FER1L6: variants seen among roughly 807,000 people sequenced by gnomAD.
FER1L6 encodes fer-1-like protein 6.
Under a neutral mutation model 219.2 loss-of-function variants are expected in FER1L6, and 177 were observed. The observed-to-expected ratio is 0.81, with a 90% CI of 0.71 to 0.91. The LOEUF is 0.91. FER1L6 is among the 40% of genes least tolerant of loss of function. FER1L6 has a pLI of 0.00. For missense variants in FER1L6, 2,153 were observed against 2,259.9 expected, an observed-to-expected ratio of 0.95 and a Z score of 0.96; for synonymous variants, 768 against 824.3, an observed-to-expected ratio of 0.93 and a Z score of 1.17.
At chr8:124,012,336 C>T (rs562145403) in intron 14 of FER1L6, among the ~76,000 whole-genome samples, 3 of 152,298 alleles carry the variant, frequency 2.0e-5, no homozygotes, top group Admixed American at 2.0e-4. Context: ...CACAGACTGT[C>T]TTGGTTGAGC....
chr8:124,074,087 G>A (rs1255860123), intron 31 of FER1L6, among the ~76,000 whole-genome samples: 1 of 152,176 alleles, frequency 6.6e-6, no homozygotes, highest in Admixed American at 6.5e-5. Flanking sequence ...TTGCTGCAGA[G>A]TTTCTCCATC....
chr8:124,064,279 A>G, intron 25 of FER1L6, 68 bp from the exon 26 acceptor site: 1 of 1,179,164 alleles, frequency 8.5e-7, no homozygotes, highest in South Asian at 1.3e-5. Context: ...GATTCCTAGT[A>G]TTAGGTCCCT....
At chr8:124,002,108 T>C (rs1460399441) in intron 12 of FER1L6, among the ~76,000 whole-genome samples, 1 of 152,220 alleles carries the variant, frequency 6.6e-6, no homozygotes, top group Non-Finnish European at 1.5e-5. Context: ...TGGGCTTTTA[T>C]ATCCCCACAC....
intron 25 of FER1L6, among the ~76,000 whole-genome samples, chr8:124,063,397 A>G (rs1563775112): frequency 6.6e-6 from 1 of 152,214 alleles, no homozygotes; most frequent in Non-Finnish European, 1.5e-5. Flanking sequence ...ATATTATCTT[A>G]TATTCTGCTA....
At chr8:123,874,557 C>T (rs532888262) in intron 1 of FER1L6, among the ~76,000 whole-genome samples, 3 of 152,264 alleles carry the variant, frequency 2.0e-5, no homozygotes, top group Admixed American at 6.5e-5. Context: ...GCTTCAACTC[C>T]GCTACCAATA....
At chr8:124,029,132 G>A (rs764991682) in intron 18 of FER1L6, among the ~76,000 whole-genome samples, 1 of 152,172 alleles carries the variant, frequency 6.6e-6, no homozygotes, top group Non-Finnish European at 1.5e-5. Flanking sequence ...TGGCTGCATA[G>A]TATTCCATGG....
intron 28 of FER1L6, 94 bp downstream of exon 28, chr8:124,067,900 C>T: frequency 1.1e-6 from 1 of 929,662 alleles, no homozygotes; most frequent in Non-Finnish European, 1.7e-6. Flanking sequence ...TATTAGAGCT[C>T]AACTCCCTCC....
intron 13 of FER1L6, among the ~76,000 whole-genome samples, chr8:124,004,389 T>G (rs1194786061): frequency 6.6e-6 from 1 of 152,164 alleles, no homozygotes; most frequent in Non-Finnish European, 1.5e-5. Context: ...TCTTCCCCCA[T>G]TTTGTATGCG....
At chr8:123,910,071 C>T (rs1311473677) in intron 1 of FER1L6, among the ~76,000 whole-genome samples, 1 of 152,212 alleles carries the variant, frequency 6.6e-6, no homozygotes, top group Non-Finnish European at 1.5e-5. Flanking sequence ...CTGTGGCTTA[C>T]AGCCCTTTCC....
intron 1 of FER1L6, among the ~76,000 whole-genome samples, chr8:123,916,429 T>C (rs1813193188): frequency 6.6e-6 from 1 of 152,204 alleles, no homozygotes; most frequent in Non-Finnish European, 1.5e-5. Flanking sequence ...GCCTCCTTCA[T>C]TGCAAATTAT....
At chr8:124,037,530 C>T (rs1474080258) in intron 19 of FER1L6, among the ~76,000 whole-genome samples, 1 of 152,168 alleles carries the variant, frequency 6.6e-6, no homozygotes, top group African/African-American at 2.4e-5. Context: ...AAAGCAATCA[C>T]TTCTCTGGTT....
At chr8:124,061,130 C>G (rs912868468) in intron 24 of FER1L6, among the ~76,000 whole-genome samples, 9 of 152,154 alleles carry the variant, frequency 5.9e-5, no homozygotes, top group African/African-American at 2.2e-4. Context: ...CTAGAAAATA[C>G]TGTAATAAGA....
intron 1 of FER1L6, among the ~76,000 whole-genome samples, chr8:123,911,443 T>A (rs898891486): frequency 2.3e-4 from 35 of 152,194 alleles, no homozygotes; most frequent in African/African-American, 8.4e-4. Flanking sequence ...CTGTTTCAAA[T>A]TCTCCAGTAG....
At chr8:124,081,671 C>T (rs182461134) in intron 32 of FER1L6, among the ~76,000 whole-genome samples, 9 of 147,178 alleles carry the variant, frequency 6.1e-5, no homozygotes, top group East Asian at 4.0e-4. Flanking sequence ...GTAGAGACAA[C>T]GCTTTGGTCT....
intron 19 of FER1L6, among the ~76,000 whole-genome samples, chr8:124,039,405 A>C (rs962643947): frequency 1.3e-5 from 2 of 152,200 alleles, no homozygotes; most frequent in African/African-American, 2.4e-5. Context: ...ACACACCCAC[A>C]CATGCCCACA....
At chr8:124,063,448 C>A (rs1033568293) in intron 25 of FER1L6, among the ~76,000 whole-genome samples, 2 of 152,176 alleles carry the variant, frequency 1.3e-5, no homozygotes, top group African/African-American at 4.8e-5. Context: ...CTTTAATCAT[C>A]TGCATTTATA....
At chr8:124,044,162 C>A (rs1463226851) in intron 20 of FER1L6, among the ~76,000 whole-genome samples, 4 of 152,194 alleles carry the variant, frequency 2.6e-5, no homozygotes, top group African/African-American at 9.6e-5. Context: ...CAAGTGCATG[C>A]TACAAGACAC....
At chr8:124,031,095 G>T (rs762234678) in intron 18 of FER1L6, among the ~76,000 whole-genome samples, 7 of 151,966 alleles carry the variant, frequency 4.6e-5, no homozygotes, top group African/African-American at 1.7e-4. Flanking sequence ...ACCTTGCTGT[G>T]GTTGGTGAAG....
At chr8:123,954,590 A>G (rs1443955221) in intron 1 of FER1L6, among the ~76,000 whole-genome samples, 1 of 152,204 alleles carries the variant, frequency 6.6e-6, no homozygotes. Context: ...TTGAGGAAAT[A>G]GTATGTTCCA....
Sources: allele counts gnomAD v4.1 joint callset (sites outside exome capture counted in the v4.1 genomes callset), GRCh38; gene constraint gnomAD v4.1.1; transcripts MANE v1.5; gene names NCBI Gene and HGNC (gene_info 2026-07-23, HGNC 2026-07-21).